The following PARK7 variants were observed in gnomAD, a reference collection of about 807,000 sequenced individuals.
The protein encoded by PARK7 is Parkinsonism associated deglycase.
In PARK7, 14 loss-of-function variants were observed where a neutral mutation model predicts 20.5. That is an observed-to-expected ratio of 0.68 (90% confidence interval 0.45 to 1.07). PARK7 has a LOEUF of 1.07. Among genes scored for constraint, PARK7 ranks in the 50% least tolerant of loss-of-function variants. The probability of loss-of-function intolerance (pLI) is 0.00; values close to 1 mark genes in which losing one functional copy is unlikely to be tolerated. For missense variants in PARK7, 234 were observed against 238.1 expected (o/e 0.98, Z 0.11); for synonymous variants, 98 against 84.3 (o/e 1.16, Z -0.89).
chr1:7,963,386 CTTT>C (rs34942518), intron 2 of PARK7, among the ~76,000 whole-genome samples: 3 of 140,940 alleles, frequency 2.1e-5, no homozygotes, highest in Non-Finnish European at 1.6e-5. Context: ...CTTTTTTCTT[CTTT>C]TTTTTTTTTT....
At chr1:7,975,334 G>A (rs1179181960) in intron 5 of PARK7, among the ~76,000 whole-genome samples, 1 of 152,200 alleles carries the variant, frequency 6.6e-6, no homozygotes, top group Non-Finnish European at 1.5e-5. Context: ...AGTTGGAGGA[G>A]TGGACAGTTG....
Position 7,962,740 on chromosome 1 carries a change from CTTTTT to C in PARK7, c.-23-8_-23-4del, listed in dbSNP as rs370370394. ...GGTTGCAATGAAAGTTTTTTGAAAT[CTTTTT>C]TTTTTTTTTTTTTTAAGGCTTGTAA... On this transcript the variant is annotated intron_variant, in intron 1 of 6. Transcript: ENST00000338639. 46 of 1,153,506 alleles carry C rather than the reference CTTTTT, an allele frequency of 4.0e-5. No individual in the cohort carries two copies. Among genetic ancestry groups the C allele is most frequent in the South Asian group, 3.5e-4 (24 of 69,400 alleles). 71.5% of individuals were successfully genotyped at this position (1,153,506 alleles called of 1,614,324 possible). A position where few individuals can be genotyped will look rare whatever the true frequency, so the allele number is the denominator to read the frequency against.
chr1:7,984,039 G>T lies in PARK7; in HGVS notation c.410-855G>T, dbSNP rs1344472431. On this transcript the variant is annotated intron_variant, in intron 6 of 6. Coordinates refer to ENST00000338639, the MANE Select transcript of PARK7 (RefSeq NM_007262.5). The surrounding 1 kb of genome is among the most constrained non-coding windows in gnomAD (Gnocchi z 4.3). ...AGGTACCTAATTTGGGGAGGTGGGG[G>T]TGGTCACAGATACCCTCTCTGAGGG... Among the ~76,000 whole-genome samples the T allele has an allele frequency of 1.3e-5, 2 of 152,228 alleles. No individual in the cohort carries two copies. The highest frequency in any genetic ancestry group is 2.9e-5 in the Non-Finnish European group (2 of 68,038).
At chr1:7,970,801 A>T in intron 4 of PARK7, 93 bp from the exon 5 acceptor site, 1 of 1,244,594 alleles carries the variant, frequency 8.0e-7, no homozygotes, top group Non-Finnish European at 1.2e-6. Context: ...CTTGTGGTTT[A>T]AACTAAAATT....
intron 3 of PARK7, among the ~76,000 whole-genome samples, chr1:7,967,733 A>G (rs1640358537): frequency 1.3e-5 from 2 of 151,886 alleles, no homozygotes; most frequent in African/African-American, 2.4e-5. Context: ...TAGCCTGGGC[A>G]ATGAAGCGAG....
chr1:7,971,935 A>G (rs1385805299), intron 5 of PARK7: 1 of 151,792 alleles, frequency 6.6e-6, no homozygotes, highest in South Asian at 2.1e-4. Flanking sequence ...CTTCGTCTCA[A>G]AAAAAAAATA....
At position 7,962,848 on chromosome 1, in the gene PARK7, C is replaced by T; in HGVS notation, c.63C>T (p.Ile21=). The change falls in exon 2 of 7, where the codon ATC becomes ATT. Residue 21 remains isoleucine, a synonymous_variant. Transcript: ENST00000338639. The stretch of plus-strand genomic sequence containing the variant: ...GAGCAGAGGAAATGGAGACGGTCAT[C>T]CCTGTAGATGTCATGAGGCGAGCTG... The part of the protein sequence containing the change: ...AKGAEEMETV[I]PVDVMRRAGI... 1 of 1,613,442 alleles carries T rather than the reference C, an allele frequency of 6.2e-7. No individual in the cohort carries two copies. The highest frequency in any genetic ancestry group is 1.3e-5 in the African/African-American group (1 of 74,822).
At chr1:7,974,777 G>A (rs921408785) in intron 5 of PARK7, among the ~76,000 whole-genome samples, 1 of 151,722 alleles carries the variant, frequency 6.6e-6, no homozygotes, top group African/African-American at 2.4e-5. Context: ...TGAGATGAGG[G>A]TTATGGGAAT....
intron 6 of PARK7, among the ~76,000 whole-genome samples, chr1:7,978,549 C>T (rs1640636384): frequency 6.6e-6 from 1 of 152,122 alleles, no homozygotes; most frequent in Non-Finnish European, 1.5e-5. Flanking sequence ...TGTGCCACCA[C>T]AAGTTTCTTG....
chr1:7,965,276 T>A, intron 2 of PARK7, 48 bp from the exon 3 acceptor site: 3 of 1,530,592 alleles, frequency 2.0e-6, no homozygotes, highest in Non-Finnish European at 2.7e-6. Context: ...AGTGTTACTC[T>A]GAATTTATGT....
intron 6 of PARK7, among the ~76,000 whole-genome samples, chr1:7,978,844 CA>C (rs368607562): frequency 0.12 from 12,704 of 106,680 alleles, 1,303 homozygotes; most frequent in East Asian, 0.55. Flanking sequence ...AAGACCCTAT[CA>C]AAAAAAAAAA....
chr1:7,978,964 T>C (rs1449055444), intron 6 of PARK7, among the ~76,000 whole-genome samples: 1 of 152,166 alleles, frequency 6.6e-6, no homozygotes, highest in Non-Finnish European at 1.5e-5. Context: ...TGCAGCTTGC[T>C]TTTTTTAACT....
intron 6 of PARK7, among the ~76,000 whole-genome samples, chr1:7,977,949 G>A (rs1640620920): frequency 7.2e-6 from 1 of 138,944 alleles, no homozygotes; most frequent in Admixed American, 7.6e-5. Flanking sequence ...TAGTAGAGAT[G>A]GAGTTTCACC....
intron 2 of PARK7, among the ~76,000 whole-genome samples, chr1:7,964,065 G>A (rs1358833486): frequency 2.6e-5 from 4 of 151,916 alleles, no homozygotes; most frequent in African/African-American, 9.7e-5. Context: ...CACCCACCTC[G>A]GCCTCCCAAA....
At position 7,985,231 on chromosome 1, in the gene PARK7, C is replaced by A; in HGVS notation, c.*177C>A. 1 of 807,904 alleles carries A rather than the reference C, an allele frequency of 1.2e-6. No homozygotes were observed. Among genetic ancestry groups the A allele is most frequent in the Non-Finnish European group, 2.0e-6 (1 of 503,296 alleles). 50.0% of individuals were successfully genotyped at this position (807,904 alleles called of 1,614,324 possible). On this transcript the variant is annotated 3_prime_UTR_variant, in exon 7 of 7. Coordinates refer to ENST00000338639, the MANE Select transcript of PARK7 (RefSeq NM_007262.5). ...AGATTTCTCAGCCTACAAATTGTGTCTATACATTTCTAAGCCTTGTTTGCA... is the reference window on the plus strand; with the variant it reads ...AGATTTCTCAGCCTACAAATTGTGTATATACATTTCTAAGCCTTGTTTGCA...
At chr1:7,966,732 CT>C (rs1471241373) in intron 3 of PARK7, among the ~76,000 whole-genome samples, 4 of 152,040 alleles carry the variant, frequency 2.6e-5, no homozygotes, top group African/African-American at 9.7e-5. Flanking sequence ...AATAATAATA[CT>C]TTTTTTCATC....
chr1:7,969,500 T>G, intron 4 of PARK7, 96 bp downstream of exon 4: 2 of 881,410 alleles, frequency 2.3e-6, no homozygotes, highest in Non-Finnish European at 3.6e-6. Context: ...ATTTTGTTAT[T>G]ATTCAAATAT....
chr1:7,974,555 G>C (rs1394451022), intron 5 of PARK7, among the ~76,000 whole-genome samples: 22 of 151,880 alleles, frequency 1.4e-4, no homozygotes, highest in Admixed American at 1.4e-3. Flanking sequence ...TGTGAACCTG[G>C]GGGGCAGAGC....
rs1377376250 is a variant in PARK7 at position 7,974,144 on chromosome 1, C to T, written c.322+3181C>T. Among the ~76,000 whole-genome samples, 7 of 147,720 alleles carry T rather than the reference C, an allele frequency of 4.7e-5. 1 individual carries two copies. Among genetic ancestry groups the T allele is most frequent in the Admixed American group, 2.0e-4 (3 of 14,752 alleles). On this transcript the variant is annotated intron_variant, in intron 5 of 6. Transcript: ENST00000338639. ...GGGCAACATAGTGAGACCCCCCCAC[C>T]GACCTCTACAAAAAAATATTTTAAA... is the stretch of plus-strand genomic sequence containing the variant.
Sources: gnomAD v4.1 joint callset for allele counts (sites outside exome capture counted in the v4.1 genomes callset) on GRCh38, gnomAD v4.1.1 for gene constraint, Gnocchi (gnomAD v3.1) non-coding constraint, MANE v1.5 for transcripts, NCBI Gene and HGNC (gene_info 2026-07-23, HGNC 2026-07-21) for gene names.